Variants in SYN3 observed in about 807,000 individuals in gnomAD.
SYN3 encodes the protein synapsin III, also known as synapsin-3.
Under a neutral mutation model 65.8 loss-of-function variants are expected in SYN3, and 35 were observed. The ratio of observed to expected loss-of-function variants is 0.53; its 90% CI spans 0.41 to 0.70. The LOEUF (loss-of-function observed/expected upper bound fraction) is 0.70. Ranked by LOEUF, SYN3 falls within the 30% of genes least tolerant of loss-of-function variation. SYN3 has a pLI of 0.00. For missense variants in SYN3, 680 were observed against 749.0 expected, an observed-to-expected ratio of 0.91 and a Z score of 1.08; for synonymous variants, 270 against 292.9, an observed-to-expected ratio of 0.92 and a Z score of 0.80.
intron 7 of SYN3, among the ~76,000 whole-genome samples, chr22:32,545,014 C>T (rs959515937): frequency 3.9e-5 from 6 of 152,220 alleles, no homozygotes; most frequent in African/African-American, 1.2e-4. Flanking sequence ...ATCTTCATAC[C>T]GCTGTGTGGC....
At chr22:32,577,952 G>T (rs1029349332) in intron 7 of SYN3, among the ~76,000 whole-genome samples, 1 of 152,180 alleles carries the variant, frequency 6.6e-6, no homozygotes, top group Non-Finnish European at 1.5e-5. Context: ...CCTGATATAT[G>T]GAAGATTTAT....
At chr22:32,699,677 G>C (rs956289429) in intron 6 of SYN3, among the ~76,000 whole-genome samples, 4 of 152,150 alleles carry the variant, frequency 2.6e-5, no homozygotes, top group African/African-American at 9.7e-5. Flanking sequence ...TCTGGATAAA[G>C]CTGTAAAATT....
intron 6 of SYN3, among the ~76,000 whole-genome samples, chr22:32,617,797 G>C (rs948952980): frequency 6.6e-6 from 1 of 151,922 alleles, no homozygotes; most frequent in Non-Finnish European, 1.5e-5. Context: ...CAGGGTTAGG[G>C]AGAGGAGGGG....
chr22:32,652,327 T>G (rs1032524604), intron 6 of SYN3, among the ~76,000 whole-genome samples: 1 of 151,258 alleles, frequency 6.6e-6, no homozygotes, highest in African/African-American at 2.4e-5. Flanking sequence ...ATGACATGCT[T>G]CAGTCCTTCC....
At chr22:32,851,219 A>G (rs2048208759) in intron 6 of SYN3, among the ~76,000 whole-genome samples, 1 of 152,216 alleles carries the variant, frequency 6.6e-6, no homozygotes. Context: ...AGAGGTTCAG[A>G]AAACACACGA....
At chr22:32,704,100 T>G (rs1006288253) in intron 6 of SYN3, among the ~76,000 whole-genome samples, 1 of 152,204 alleles carries the variant, frequency 6.6e-6, no homozygotes, top group African/African-American at 2.4e-5. Flanking sequence ...GGGGTACATA[T>G]GCAGGTTTGT....
intron 13 of SYN3, chr22:32,514,636 G>A (rs1206664876): frequency 6.6e-6 from 1 of 152,276 alleles, no homozygotes; most frequent in African/African-American, 2.4e-5. Context: ...AGTCATAGGA[G>A]GGGAGGCAAC....
At chr22:32,929,747 T>C (rs146094926) in intron 4 of SYN3, among the ~76,000 whole-genome samples, 1 of 152,244 alleles carries the variant, frequency 6.6e-6, no homozygotes, top group East Asian at 1.9e-4. Flanking sequence ...GTGGAGAGGG[T>C]CTACTGTTAC....
chr22:32,990,032 T>A (rs962056573), intron 2 of SYN3, among the ~76,000 whole-genome samples: 2 of 152,036 alleles, frequency 1.3e-5, no homozygotes, highest in African/African-American at 4.8e-5. Flanking sequence ...AGGGCCCAAC[T>A]GGGGAAATCC....
At chr22:33,027,616 A>C (rs535480745) in intron 1 of SYN3, among the ~76,000 whole-genome samples, 5 of 128,236 alleles carry the variant, frequency 3.9e-5, no homozygotes, top group Non-Finnish European at 6.7e-5. Flanking sequence ...AGAGAGAAAG[A>C]AGGAAAGACA....
intron 2 of SYN3, among the ~76,000 whole-genome samples, chr22:32,997,065 G>A (rs901018694): frequency 6.6e-6 from 1 of 152,226 alleles, no homozygotes; most frequent in African/African-American, 2.4e-5. Flanking sequence ...CTTCAGGTGG[G>A]AGAGGTTGGG....
chr22:32,743,207 T>C (rs1263019684), intron 6 of SYN3, among the ~76,000 whole-genome samples: 2 of 152,222 alleles, frequency 1.3e-5, no homozygotes, highest in African/African-American at 2.4e-5. Flanking sequence ...ATCTAGGAAG[T>C]TGCCAGTGGA....
chr22:32,926,676 C>T (rs549594039), intron 4 of SYN3, among the ~76,000 whole-genome samples: 2 of 152,234 alleles, frequency 1.3e-5, no homozygotes, highest in East Asian at 3.9e-4. Context: ...GAATGGAAAA[C>T]ATTTAGATTT....
intron 6 of SYN3, among the ~76,000 whole-genome samples, chr22:32,833,500 C>G (rs2047638691): frequency 6.6e-6 from 1 of 152,170 alleles, no homozygotes; most frequent in Non-Finnish European, 1.5e-5. Context: ...GCAGTTTAAC[C>G]TTGGGATGGG....
chr22:33,051,500 G>A (rs1323870357), intron 1 of SYN3, among the ~76,000 whole-genome samples: 1 of 151,940 alleles, frequency 6.6e-6, no homozygotes, highest in Admixed American at 6.6e-5. Context: ...CCTACATTGG[G>A]ACCCTTTCTG....
At chr22:32,771,198 G>C (rs1314163353) in intron 6 of SYN3, among the ~76,000 whole-genome samples, 4 of 152,126 alleles carry the variant, frequency 2.6e-5, no homozygotes, top group Non-Finnish European at 5.9e-5. Flanking sequence ...TGAGAAGGAT[G>C]GTTTCCAGCT....
At chr22:32,969,378 T>TTGGA (rs1275460562) in intron 3 of SYN3, among the ~76,000 whole-genome samples, 1 of 152,240 alleles carries the variant, frequency 6.6e-6, no homozygotes, top group Non-Finnish European at 1.5e-5. Context: ...CCCTCGCTGC[T>TTGGA]TGGAGCTCTC....
Position 32,541,666 on chromosome 22 carries a change from G to A in SYN3, c.822C>T (p.Val274=), listed in dbSNP as rs1401730230. ...TGGTGGCGTAGGTTTTGGCCATGGC[G>A]ACCACGCTGGTGATGTCCTGGAAGT... The part of the protein sequence containing the change: ...QLDFQDITSV[V]AMAKTYATTE... The change falls in exon 8 of 14, where the codon GTC becomes GTT. Residue 274 remains valine, a synonymous_variant. Transcript: ENST00000358763. 18 of 1,613,946 alleles carry A rather than the reference G, an allele frequency of 1.1e-5. No individual in the cohort carries two copies. Among genetic ancestry groups the A allele is most frequent in the Admixed American group, 1.0e-4 (6 of 60,006 alleles).
In SYN3 at chr22:32,606,423, A is replaced by G. The variant is rs189597976; in HGVS notation, c.712-9687T>C. 5.9e-5 allele frequency among the ~76,000 whole-genome samples: 9 copies of G among 152,320 alleles called. No homozygotes were observed. In the East Asian group the frequency reaches 1.7e-3, roughly 29 times the overall value. ...ACAGACTCTCCTTGGAATTTTAAGC[A>G]CGGCACATAGAGACACTCCTGTCAG... On this transcript the variant is annotated intron_variant, in intron 6 of 13. Coordinates refer to ENST00000358763, the MANE Select transcript of SYN3 (RefSeq NM_003490.4).
Sources: allele counts gnomAD v4.1 joint callset (sites outside exome capture counted in the v4.1 genomes callset), GRCh38; gene constraint gnomAD v4.1.1; transcripts MANE v1.5; gene names NCBI Gene and HGNC (gene_info 2026-07-23, HGNC 2026-07-21).